Variants in ZNF599 observed in about 807,000 individuals in gnomAD.
The protein encoded by ZNF599 is zinc finger protein 599.
In ZNF599, 10 loss-of-function variants were observed where a neutral mutation model predicts 11.7. The ratio of observed to expected loss-of-function variants is 0.86; its 90% CI spans 0.53 to 1.45. ZNF599 has a LOEUF of 1.45. Ranked by LOEUF, ZNF599 falls within the 40% of genes most tolerant of loss-of-function variation. ZNF599 has a pLI of 0.00. For synonymous variants in ZNF599, 232 were observed against 253.2 expected (o/e 0.92, Z 0.79); for missense variants, 688 against 713.6 (o/e 0.96, Z 0.41).
the ZNF599 span, among the ~76,000 whole-genome samples, chr19:34,800,943 C>T: frequency 1.3e-5 from 2 of 152,188 alleles, no homozygotes; most frequent in Non-Finnish European, 2.9e-5. Flanking sequence ...ACTTATATTA[C>T]CCATCTGTTC....
chr19:34,760,988 C>T (rs1568492670), intron 3 of ZNF599, among the ~76,000 whole-genome samples: 1 of 152,074 alleles, frequency 6.6e-6, no homozygotes, highest in Non-Finnish European at 1.5e-5. Context: ...AGGTGAGCTA[C>T]GTGGGCTTTC....
At chr19:34,779,338 C>T in the ZNF599 span, 10 of 254,496 alleles carry the variant, frequency 3.9e-5, no homozygotes, top group Admixed American at 1.6e-4. Flanking sequence ...CAACCTCAAG[C>T]GATCCTACTG....
At chr19:34,763,600 G>A (rs1356690036) in intron 3 of ZNF599, 1 of 152,224 alleles carries the variant, frequency 6.6e-6, no homozygotes, top group Non-Finnish European at 1.5e-5. Flanking sequence ...CTGGTACCCT[G>A]ACCTTAGACT....
the ZNF599 span, among the ~76,000 whole-genome samples, chr19:34,791,108 A>T: frequency 6.6e-6 from 1 of 152,200 alleles, no homozygotes; most frequent in African/African-American, 2.4e-5. Flanking sequence ...ACCACCATTT[A>T]CTAAATGTAG....
chr19:34,766,007 T>G (rs1389565976), intron 3 of ZNF599, among the ~76,000 whole-genome samples: 1 of 152,052 alleles, frequency 6.6e-6, no homozygotes, highest in East Asian at 1.9e-4. Context: ...ATGGAGGTGT[T>G]GAGGGGTTGT....
At chr19:34,769,609 C>G in intron 1 of ZNF599, 54 bp from the exon 2 acceptor site, 1 of 1,583,668 alleles carries the variant, frequency 6.3e-7, no homozygotes, top group Non-Finnish European at 8.6e-7. Flanking sequence ...GGTGAAATTA[C>G]AGCTCACTTC....
chr19:34,800,124 G>A, the ZNF599 span, among the ~76,000 whole-genome samples: 1 of 152,120 alleles, frequency 6.6e-6, no homozygotes, highest in Admixed American at 6.5e-5. Context: ...TTTCAGTTGG[G>A]TCGTTTTGTT....
At chr19:34,798,918 C>G in the ZNF599 span, among the ~76,000 whole-genome samples, 1 of 152,220 alleles carries the variant, frequency 6.6e-6, no homozygotes, top group Non-Finnish European at 1.5e-5. Context: ...CAACCCTCCC[C>G]CAATCTCCTG....
At chr19:34,766,501 G>A (rs186840476) in intron 3 of ZNF599, among the ~76,000 whole-genome samples, 1 of 152,206 alleles carries the variant, frequency 6.6e-6, no homozygotes, top group East Asian at 1.9e-4. Flanking sequence ...GAATGTCTGA[G>A]CTATCACTAT....
rs1433080881 is a variant in ZNF599 at position 34,773,151 on chromosome 19, C to G, written c.-310G>C. 3.4e-5 allele frequency: 13 copies of G among 383,712 alleles called. No homozygotes were observed. The highest frequency in any genetic ancestry group is 6.0e-5 in the Non-Finnish European group (13 of 215,020). The allele number at this position is 383,712 out of a possible 1,614,324, so 23.8% of individuals were successfully genotyped here. On this transcript the variant is annotated 5_prime_UTR_variant, in exon 1 of 4. Transcript: ENST00000329285. ...CGAAAAGTGGCCCCTGTCTGGCGTT[C>G]TACCCAGTGTAGCGTTGGCAACCAC...
the ZNF599 span, among the ~76,000 whole-genome samples, chr19:34,797,036 T>G: frequency 6.6e-6 from 1 of 150,376 alleles, no homozygotes; most frequent in African/African-American, 2.4e-5. Flanking sequence ...ATTGTTCAAT[T>G]CCCACCTATG....
chr19:34,762,191 A>G (rs2069117454), intron 3 of ZNF599, among the ~76,000 whole-genome samples: 1 of 152,226 alleles, frequency 6.6e-6, no homozygotes, highest in Admixed American at 6.5e-5. Flanking sequence ...CATATTATGC[A>G]CTGATATTTC....
the ZNF599 span, among the ~76,000 whole-genome samples, chr19:34,804,609 T>G: frequency 6.6e-6 from 1 of 152,250 alleles, no homozygotes; most frequent in Non-Finnish European, 1.5e-5. Flanking sequence ...CAGACCTTTG[T>G]GTCTACCAGT....
chr19:34,802,094 C>A, the ZNF599 span, among the ~76,000 whole-genome samples: 1 of 152,152 alleles, frequency 6.6e-6, no homozygotes, highest in African/African-American at 2.4e-5. Flanking sequence ...ATGCCAATAC[C>A]CTAAAAGCAA....
the ZNF599 span, among the ~76,000 whole-genome samples, chr19:34,805,949 T>C: frequency 1.3e-5 from 2 of 152,226 alleles, no homozygotes; most frequent in Admixed American, 6.5e-5. Context: ...ACATAGGAAC[T>C]ATTATATATA....
chr19:34,770,146 ATG>A (rs2069173505), intron 1 of ZNF599, among the ~76,000 whole-genome samples: 1 of 152,346 alleles, frequency 6.6e-6, no homozygotes, highest in Non-Finnish European at 1.5e-5. Flanking sequence ...AGTGCCCAGC[ATG>A]TGTTACAATG....
chr19:34,775,103 C>G (rs557193699), upstream of ZNF599, among the ~76,000 whole-genome samples: 6 of 152,310 alleles, frequency 3.9e-5, no homozygotes, highest in South Asian at 1.2e-3. Context: ...AGAAATTGAG[C>G]AGATGCTAGT....
At chr19:34,769,057 G>C (rs2069164379) in intron 2 of ZNF599, among the ~76,000 whole-genome samples, 1 of 152,178 alleles carries the variant, frequency 6.6e-6, no homozygotes, top group Non-Finnish European at 1.5e-5. Flanking sequence ...CACCTTCTTA[G>C]TGTCTGTGTC....
chr19:34,787,301 C>A, the ZNF599 span, among the ~76,000 whole-genome samples: 232 of 152,034 alleles, frequency 1.5e-3, no homozygotes, highest in African/African-American at 5.1e-3. Flanking sequence ...TGTGAGGGGG[C>A]AAACGAAATG....
Sources: gnomAD v4.1 joint callset for allele counts (sites outside exome capture counted in the v4.1 genomes callset) on GRCh38, gnomAD v4.1.1 for gene constraint, MANE v1.5 for transcripts, NCBI Gene and HGNC (gene_info 2026-07-23, HGNC 2026-07-21) for gene names.